The following ATP5F1B variants were observed in gnomAD, a reference collection of about 807,000 sequenced individuals.
ATP5F1B encodes the protein ATP synthase F1 subunit beta.
In ATP5F1B, 17 loss-of-function variants were observed where a neutral mutation model predicts 45.9. That is an observed-to-expected ratio of 0.37 (90% confidence interval 0.25 to 0.56). The LOEUF (loss-of-function observed/expected upper bound fraction) is 0.56. Among genes scored for constraint, ATP5F1B ranks in the 20% least tolerant of loss-of-function variants. The pLI is 0.80. For missense variants in ATP5F1B, 387 were observed against 673.2 expected (o/e 0.57, Z 4.70); for synonymous variants, 218 against 256.5 (o/e 0.85, Z 1.43).
chr12:56,639,950 G>T, intron 8 of ATP5F1B, 30 bp downstream of exon 8: 1 of 1,610,388 alleles, frequency 6.2e-7, no homozygotes, highest in South Asian at 1.1e-5. Flanking sequence ...TGACTTTCCG[G>T]ACACTGATCC....
intron 7 of ATP5F1B, among the ~76,000 whole-genome samples, chr12:56,641,736 G>C (rs1951513803): frequency 6.6e-6 from 1 of 151,882 alleles, no homozygotes; most frequent in Admixed American, 6.6e-5. Context: ...ATTTTTAGTA[G>C]AGATGGGGTT....
In ATP5F1B at chr12:56,645,883, G is replaced by A. The variant is rs1951546107; in HGVS notation, c.81C>T (p.Pro27=). Residue 27 remains proline, a synonymous_variant, in exon 1 of 10, where the codon CCC becomes CCT. Transcript: ENST00000262030. ...LRRLTPSASL[P]PAQLLLRAAP... ...CGGCCCGCAGTAAGAGCTGAGCTGG[G>A]GGCAGCGACGCTGAAGGGGTGAGTC... The A allele has an allele frequency of 1.1e-5, 17 of 1,608,436 alleles. No homozygotes were observed. Among genetic ancestry groups the A allele is most frequent in the Non-Finnish European group, 1.4e-5 (17 of 1,177,764 alleles).
Position 56,640,140 on chromosome 12 carries a change from A to AGT in ATP5F1B, c.1126_1127insAC (p.Phe376TyrfsTer27). 1 of 1,614,168 alleles carries AGT rather than the reference A, an allele frequency of 6.2e-7. No homozygotes were observed. Among genetic ancestry groups the AGT allele is most frequent in the East Asian group, 2.2e-5 (1 of 44,888 alleles). On this transcript the variant is annotated frameshift_variant, in exon 8 of 10. Coordinates refer to ENST00000262030, the MANE Select transcript of ATP5F1B (RefSeq NM_001686.4). LOFTEE classifies it high-confidence loss of function. ...TACAGTGGTAGCATCCAAATGGGCA[A>AGT]ACGTAGTAGCAGGGGCAGGGTCAGT...
intron 5 of ATP5F1B, 196 bp from the exon 6 acceptor site, chr12:56,643,027 T>C (rs1951523902): frequency 1.2e-5 from 7 of 599,820 alleles, no homozygotes; most frequent in African/African-American, 3.7e-5. Context: ...GGCAAAACTA[T>C]AGTAGAAAGG....
intron 3 of ATP5F1B, among the ~76,000 whole-genome samples, chr12:56,644,425 A>G (rs1429675319): frequency 6.6e-6 from 1 of 152,134 alleles, no homozygotes; most frequent in Admixed American, 6.6e-5. Context: ...AGCCTGGCCA[A>G]CATGGTGAAA....
In ATP5F1B at chr12:56,645,239, G is replaced by A; in HGVS notation, c.242C>T (p.Pro81Leu). The change falls in exon 2 of 10, where the codon CCA becomes CTA. Residue 81 changes from proline to leucine, a missense_variant. Around this residue, in one of 6 missense-constraint regions of ATP5F1B, gnomAD observed 113 missense variants for 168.0 expected, o/e 0.67. Coordinates refer to ENST00000262030, the MANE Select transcript of ATP5F1B (RefSeq NM_001686.4). ...VDVQFDEGLP[P>L]ILNALEVQGR... The stretch of plus-strand genomic sequence containing the variant: ...TTGCACTTCCAGGGCATTTAGAATT[G>A]GTGGTAGTCCCTCATCAAACTGGAC... 20 of 1,614,222 alleles carry A rather than the reference G, an allele frequency of 1.2e-5. No homozygotes were observed. Among genetic ancestry groups the A allele is most frequent in the Non-Finnish European group, 1.7e-5 (20 of 1,180,032 alleles).
intron 7 of ATP5F1B, among the ~76,000 whole-genome samples, chr12:56,641,066 TAAA>T (rs1951508512): frequency 6.9e-6 from 1 of 144,728 alleles, no homozygotes; most frequent in Non-Finnish European, 1.5e-5. Context: ...TTAAAAAAAA[TAAA>T]AAAATAAAAA....
At chr12:56,638,488 G>T (rs753696984) in intron 9 of ATP5F1B, 65 bp from the exon 10 acceptor site, 105 of 1,244,038 alleles carry the variant, frequency 8.4e-5, no homozygotes, top group Non-Finnish European at 1.2e-4. Context: ...TCTGCATCAT[G>T]TAACATTCCT....
At chr12:56,643,372 C>G in intron 5 of ATP5F1B, 31 bp downstream of exon 5, 1 of 1,587,534 alleles carries the variant, frequency 6.3e-7, no homozygotes, top group Non-Finnish European at 8.6e-7. Flanking sequence ...GGCGTAACTA[C>G]CACGTGGACA....
At chr12:56,640,702 T>A (rs1012918120) in intron 7 of ATP5F1B, among the ~76,000 whole-genome samples, 2 of 152,084 alleles carry the variant, frequency 1.3e-5, no homozygotes, top group Non-Finnish European at 2.9e-5. Flanking sequence ...ATTCTTTTTG[T>A]TCTTCATCTT....
rs1951542192 is a variant in ATP5F1B at position 56,645,408 on chromosome 12, G to T, written c.128-55C>A. On this transcript the variant is annotated intron_variant, in intron 1 of 9. Transcript: ENST00000262030. ...GGGGTCAGGCCAGTTAAAGGTCATC[G>T]GAAGCCAGGACTTAACACACAAGGA... 5 of 1,547,216 alleles carry T rather than the reference G, an allele frequency of 3.2e-6. No homozygotes were observed. In the East Asian group the frequency reaches 1.1e-4, roughly 35 times the overall value.
rs1036008431 is a variant in ATP5F1B, at chr12:56,639,816, G to T, written c.1287+164C>A. The T allele has an allele frequency of 2.9e-5, 18 of 626,532 alleles. No individual in the cohort carries two copies. The Admixed American group carries it at 5.1e-4, about 18-fold the overall frequency. The allele number at this position is 626,532 out of a possible 1,614,324, so 38.8% of individuals were successfully genotyped here. On this transcript the variant is annotated intron_variant, in intron 8 of 9. Coordinates refer to ENST00000262030, the MANE Select transcript of ATP5F1B (RefSeq NM_001686.4). ...AAAATATTGCATTCCAAAGCGTTAA[G>T]TACCTGGAAACTCAAGAGACCTCAT...
chr12:56,643,716 G>C (rs1359575783), intron 4 of ATP5F1B, 121 bp downstream of exon 4: 2 of 1,578,500 alleles, frequency 1.3e-6, no homozygotes, highest in South Asian at 1.1e-5. Context: ...AGCAAACTCA[G>C]AAGAACGAAA....
At chr12:56,639,893 C>G in intron 8 of ATP5F1B, 87 bp downstream of exon 8, 1 of 1,407,918 alleles carries the variant, frequency 7.1e-7, no homozygotes, top group Non-Finnish European at 9.8e-7. Flanking sequence ...CAAAACAAAT[C>G]ACTAAGAAAG....
chr12:56,644,528 T>G (rs1592224079), intron 3 of ATP5F1B, among the ~76,000 whole-genome samples: 1 of 152,006 alleles, frequency 6.6e-6, no homozygotes, highest in South Asian at 2.1e-4. Context: ...GGAGAATCAC[T>G]TGAACCCAGG....
Position 56,639,093 on chromosome 12 carries a change from C to G in ATP5F1B, c.1489+13G>C. 1.2e-6 allele frequency: 2 copies of G among 1,613,216 alleles called. No individual in the cohort carries two copies. The highest frequency in any genetic ancestry group is 1.7e-6 in the Non-Finnish European group (2 of 1,179,282). ...GCACAGTAAACATTCAAGATTTGTACTCAAAATCTCACCTGCCAAAATCTG... is the reference window on the plus strand; with the variant it reads ...GCACAGTAAACATTCAAGATTTGTAGTCAAAATCTCACCTGCCAAAATCTG... On this transcript the variant is annotated intron_variant, in intron 9 of 9. Coordinates refer to ENST00000262030, the MANE Select transcript of ATP5F1B (RefSeq NM_001686.4).
At chr12:56,639,495 C>T (rs370856937) in intron 8 of ATP5F1B, 188 bp from the exon 9 acceptor site, 22 of 617,510 alleles carry the variant, frequency 3.6e-5, no homozygotes, top group East Asian at 3.2e-4. Context: ...TGCATTCCGC[C>T]GGGCGCAGTG....
In ATP5F1B at chr12:56,644,918, T is replaced by C; in HGVS notation, c.348A>G (p.Thr116=). 6.2e-7 allele frequency: 1 copy of C among 1,614,262 alleles called. No individual in the cohort carries two copies. The highest frequency in any genetic ancestry group is 8.5e-7 in the Non-Finnish European group (1 of 1,180,044). The change falls in exon 3 of 10, where the codon ACA becomes ACG. Residue 116 remains threonine (T), a synonymous_variant. Coordinates refer to ENST00000262030, the MANE Select transcript of ATP5F1B (RefSeq NM_001686.4). Reference sequence around the variant, plus strand: ...CTTTCTGGCCTCTAACCAAGCCTTCTGTACCATCCATAGCAATAGTCCTTA... The same window carrying C: ...CTTTCTGGCCTCTAACCAAGCCTTCCGTACCATCCATAGCAATAGTCCTTA... ...STVRTIAMDG[T]EGLVRGQKVL...
At position 56,643,976 on chromosome 12, in the gene ATP5F1B, A is replaced by G; in HGVS notation, c.486-18T>C. 6.2e-7 allele frequency: 1 copy of G among 1,612,168 alleles called. No individual in the cohort carries two copies. Among genetic ancestry groups the G allele is most frequent in the Non-Finnish European group, 8.5e-7 (1 of 1,179,382 alleles). ...GAGCAAATCTGTAAAGGTAGAAGAG[A>G]GGATAGTATCTATTCACCTTGTTGA... On this transcript the variant is annotated intron_variant, in intron 3 of 9. Coordinates refer to ENST00000262030, the MANE Select transcript of ATP5F1B (RefSeq NM_001686.4).
Sources: allele counts gnomAD v4.1 joint callset (sites outside exome capture counted in the v4.1 genomes callset), GRCh38; gene constraint gnomAD v4.1.1; regional missense constraint gnomAD v4.1.1; transcripts MANE v1.5; gene names NCBI Gene and HGNC (gene_info 2026-07-23, HGNC 2026-07-21).